The following TBX15 variants were observed in gnomAD, a reference collection of about 807,000 sequenced individuals.
TBX15 encodes the protein T-box transcription factor TBX15.
A neutral mutation model predicts 53.9 loss-of-function variants in TBX15; 18 were observed. That is an observed-to-expected ratio of 0.33 (90% CI 0.23 to 0.49). The LOEUF (loss-of-function observed/expected upper bound fraction) is 0.49, where lower values mean the gene tolerates loss of function less well. Among genes scored for constraint, TBX15 ranks in the 20% least tolerant of loss-of-function variants. TBX15 has a pLI of 0.98. For missense variants in TBX15, 692 were observed against 749.5 expected, an observed-to-expected ratio of 0.92 and a Z score of 0.90; for synonymous variants, 295 against 278.0, an observed-to-expected ratio of 1.06 and a Z score of -0.61.
chr1:118,940,612 T>TC (rs1656140579), intron 1 of TBX15, among the ~76,000 whole-genome samples: 2 of 151,716 alleles, frequency 1.3e-5, no homozygotes, highest in Non-Finnish European at 2.9e-5. Flanking sequence ...TAAGTGGATA[T>TC]CTATGTTTGA....
chr1:118,962,463 C>T (rs1355151513), intron 1 of TBX15, among the ~76,000 whole-genome samples: 1 of 152,144 alleles, frequency 6.6e-6, no homozygotes, highest in African/African-American at 2.4e-5. Context: ...CAACCAACAA[C>T]ACCCCCTTCT....
At chr1:118,893,920 A>G (rs1654305233) in intron 7 of TBX15, among the ~76,000 whole-genome samples, 1 of 152,206 alleles carries the variant, frequency 6.6e-6, no homozygotes. Context: ...TCATGCGGGA[A>G]AAAAATAGTG....
At chr1:118,927,408 T>A (rs1282029240) in intron 2 of TBX15, among the ~76,000 whole-genome samples, 5 of 152,210 alleles carry the variant, frequency 3.3e-5, no homozygotes. Flanking sequence ...TATTTTCAAC[T>A]GAGTTTATTT....
chr1:118,967,395 A>G (rs1009961994), intron 1 of TBX15, among the ~76,000 whole-genome samples: 2 of 152,200 alleles, frequency 1.3e-5, no homozygotes, highest in African/African-American at 4.8e-5. Flanking sequence ...CATAAAAATG[A>G]CCTATAAGTA....
chr1:118,985,065 A>G (rs1279765364), intron 1 of TBX15, among the ~76,000 whole-genome samples: 1 of 152,256 alleles, frequency 6.6e-6, no homozygotes, highest in East Asian at 1.9e-4. Flanking sequence ...GCTATGAGAG[A>G]TGGTGAGAAT....
chr1:118,914,990 T>G (rs974451889), intron 5 of TBX15, among the ~76,000 whole-genome samples: 40 of 152,304 alleles, frequency 2.6e-4, no homozygotes, highest in African/African-American at 9.4e-4. Flanking sequence ...CCCCATCCAT[T>G]GCATCCTATC....
chr1:118,982,894 C>T (rs1221439457), intron 1 of TBX15, among the ~76,000 whole-genome samples: 1 of 152,208 alleles, frequency 6.6e-6, no homozygotes. Flanking sequence ...AAGTGGCAAG[C>T]TCAGAGCCCA....
chr1:118,939,222 C>T (rs1215091126), intron 1 of TBX15, among the ~76,000 whole-genome samples: 1 of 151,474 alleles, frequency 6.6e-6, no homozygotes, highest in Non-Finnish European at 1.5e-5. Flanking sequence ...GCCTGGGCAA[C>T]ATGGCAAAGC....
At chr1:118,939,103 T>C (rs1656060669) in intron 1 of TBX15, among the ~76,000 whole-genome samples, 1 of 152,074 alleles carries the variant, frequency 6.6e-6, no homozygotes, top group Non-Finnish European at 1.5e-5. Flanking sequence ...GCCATAATCC[T>C]AAGTGAATTA....
intron 7 of TBX15, among the ~76,000 whole-genome samples, chr1:118,892,008 G>T (rs1460994922): frequency 6.6e-6 from 1 of 152,186 alleles, no homozygotes; most frequent in African/African-American, 2.4e-5. Context: ...AGCTGGAAGA[G>T]AGAGAAATAA....
intron 1 of TBX15, among the ~76,000 whole-genome samples, chr1:118,949,707 A>C (rs1006406391): frequency 5.3e-5 from 8 of 152,222 alleles, no homozygotes; most frequent in Non-Finnish European, 1.0e-4. Flanking sequence ...GAGTCTGAGG[A>C]TAAGAGAAAG....
At chr1:118,955,814 A>G (rs1656670724) in intron 1 of TBX15, among the ~76,000 whole-genome samples, 2 of 152,168 alleles carry the variant, frequency 1.3e-5, no homozygotes, top group African/African-American at 4.8e-5. Context: ...ACTCTTCCCT[A>G]TGTGTGCCTC....
chr1:118,918,090 C>T (rs796542286), intron 5 of TBX15, among the ~76,000 whole-genome samples: 1 of 152,178 alleles, frequency 6.6e-6, no homozygotes, highest in South Asian at 2.1e-4. Context: ...TCCTAAGCCT[C>T]AGTCAAAAAT....
intron 7 of TBX15, among the ~76,000 whole-genome samples, chr1:118,889,594 G>T (rs1019617035): frequency 6.6e-6 from 1 of 152,182 alleles, no homozygotes; most frequent in South Asian, 2.1e-4. Flanking sequence ...ATGGATGAGT[G>T]TGTTCTATAG....
At chr1:118,956,977 A>G (rs1389051319) in intron 1 of TBX15, among the ~76,000 whole-genome samples, 1 of 149,160 alleles carries the variant, frequency 6.7e-6, no homozygotes, top group Non-Finnish European at 1.5e-5. Flanking sequence ...AAAAAAAAAT[A>G]GATTAAATCC....
intron 7 of TBX15, among the ~76,000 whole-genome samples, chr1:118,896,108 C>T (rs2101487596): frequency 6.6e-6 from 1 of 152,238 alleles, no homozygotes. Context: ...AGCTCCTCGG[C>T]TATCATTAGT....
chr1:118,957,726 G>GT (rs1264262654), intron 1 of TBX15, among the ~76,000 whole-genome samples: 1 of 152,124 alleles, frequency 6.6e-6, no homozygotes, highest in Non-Finnish European at 1.5e-5. Flanking sequence ...GCAGTGTTTG[G>GT]TTTTTTGTCC....
intron 6 of TBX15, among the ~76,000 whole-genome samples, chr1:118,905,576 C>T (rs1031495798): frequency 2.6e-5 from 4 of 152,232 alleles, no homozygotes; most frequent in Non-Finnish European, 4.4e-5. Context: ...GGGCCAGCTA[C>T]CTTGAATTGT....
intron 7 of TBX15, among the ~76,000 whole-genome samples, chr1:118,896,365 T>G (rs1200368074): frequency 6.6e-6 from 1 of 152,200 alleles, no homozygotes; most frequent in African/African-American, 2.4e-5. Context: ...TTTACCTAAG[T>G]GCTTTCTTCA....
Sources: gnomAD v4.1 joint callset for allele counts (sites outside exome capture counted in the v4.1 genomes callset) on GRCh38, gnomAD v4.1.1 for gene constraint, MANE v1.5 for transcripts, NCBI Gene and HGNC (gene_info 2026-07-23, HGNC 2026-07-21) for gene names.